SMOC2: variants seen among roughly 807,000 people sequenced by gnomAD.
SMOC2 encodes SPARC related modular calcium binding 2, also known as SPARC-related modular calcium-binding protein 2.
A neutral mutation model predicts 61.4 loss-of-function variants in SMOC2; 39 were observed. That is an observed-to-expected ratio of 0.64 (90% CI 0.49 to 0.83). SMOC2 has a LOEUF of 0.83. Ranked by LOEUF, SMOC2 falls within the 40% of genes least tolerant of loss-of-function variation. The pLI is 0.00. For missense variants in SMOC2, 556 were observed against 592.9 expected, an observed-to-expected ratio of 0.94 and a Z score of 0.65; for synonymous variants, 247 against 239.9, an observed-to-expected ratio of 1.03 and a Z score of -0.27.
intron 7 of SMOC2, among the ~76,000 whole-genome samples, chr6:168,582,442 G>T (rs547433776): frequency 7.2e-5 from 11 of 152,206 alleles, no homozygotes; most frequent in Non-Finnish European, 1.0e-4. Flanking sequence ...ACTGAGGGCT[G>T]CAGGGGTCTT....
At chr6:168,659,051 G>A (rs57304883) in intron 11 of SMOC2, among the ~76,000 whole-genome samples, 1,110 of 69,684 alleles carry the variant, frequency 0.016, 16 homozygotes, top group African/African-American at 0.058. Flanking sequence ...TGTGTGTGGC[G>A]TGTGGGGTGT....
At chr6:168,479,767 C>G (rs1247049390) in intron 1 of SMOC2, among the ~76,000 whole-genome samples, 2 of 152,144 alleles carry the variant, frequency 1.3e-5, no homozygotes, top group Non-Finnish European at 1.5e-5. Context: ...AACAGGGGTG[C>G]AGACGAAAAG....
At chr6:168,507,199 C>T (rs1183243792) in intron 1 of SMOC2, among the ~76,000 whole-genome samples, 3 of 152,180 alleles carry the variant, frequency 2.0e-5, no homozygotes, top group East Asian at 1.9e-4. Context: ...AAGTTCTCAG[C>T]ATCTCCTCAC....
chr6:168,580,134 C>T (rs1784890067), intron 7 of SMOC2, among the ~76,000 whole-genome samples: 1 of 152,130 alleles, frequency 6.6e-6, no homozygotes, highest in Non-Finnish European at 1.5e-5. Context: ...ATTCATGTTT[C>T]AGAATGGAAA....
At chr6:168,598,704 G>T in intron 7 of SMOC2, 114 bp from the exon 8 acceptor site, 2 of 1,237,070 alleles carry the variant, frequency 1.6e-6, no homozygotes, top group Non-Finnish European at 2.3e-6. Context: ...CTCCTGCTCC[G>T]GGGTGAAGGA....
At chr6:168,649,239 C>T (rs769003691) in intron 9 of SMOC2, among the ~76,000 whole-genome samples, 6 of 152,178 alleles carry the variant, frequency 3.9e-5, no homozygotes, top group South Asian at 2.1e-4. Flanking sequence ...TTGGCGGGGC[C>T]GTCTAAAACT....
intron 1 of SMOC2, among the ~76,000 whole-genome samples, chr6:168,443,389 C>T (rs755482567): frequency 1.1e-4 from 16 of 152,192 alleles, no homozygotes; most frequent in East Asian, 5.8e-4. Context: ...TCTTGGGTTG[C>T]GGTGAGACCC....
intron 7 of SMOC2, among the ~76,000 whole-genome samples, chr6:168,560,572 A>T (rs13215061): frequency 3.6e-5 from 2 of 55,240 alleles, no homozygotes; most frequent in Non-Finnish European, 7.1e-5. Context: ...CTCTCACTGC[A>T]TTCTTGGAGG....
intron 1 of SMOC2, among the ~76,000 whole-genome samples, chr6:168,487,762 C>T (rs1020619100): frequency 2.0e-5 from 3 of 152,100 alleles, no homozygotes; most frequent in African/African-American, 7.2e-5. Context: ...CACAGCCTCC[C>T]AAAGTACTGG....
At chr6:168,621,461 C>T (rs562488721) in intron 9 of SMOC2, among the ~76,000 whole-genome samples, 2 of 152,266 alleles carry the variant, frequency 1.3e-5, no homozygotes, top group South Asian at 2.1e-4. Context: ...ATTTGAAGTC[C>T]ATGTTTTATT....
At chr6:168,658,942 G>A (rs1787398453) in intron 11 of SMOC2, among the ~76,000 whole-genome samples, 1 of 142,314 alleles carries the variant, frequency 7.0e-6, no homozygotes, top group Non-Finnish European at 1.6e-5. Flanking sequence ...TGTATGTGTG[G>A]TGTGTGTGGT....
chr6:168,653,636 G>C (rs951631061), intron 11 of SMOC2, among the ~76,000 whole-genome samples: 6 of 135,672 alleles, frequency 4.4e-5, no homozygotes, highest in Non-Finnish European at 9.7e-5. Flanking sequence ...CCAAATGTTA[G>C]GAACTCACCA....
chr6:168,458,866 C>A (rs898578479), intron 1 of SMOC2, among the ~76,000 whole-genome samples: 1 of 152,210 alleles, frequency 6.6e-6, no homozygotes, highest in Non-Finnish European at 1.5e-5. Context: ...TATACTAATT[C>A]TCATTGTATA....
intron 8 of SMOC2, among the ~76,000 whole-genome samples, chr6:168,603,703 C>T (rs1464384887): frequency 8.8e-6 from 1 of 113,298 alleles, no homozygotes; most frequent in Non-Finnish European, 2.1e-5. Context: ...ATGTCAAATG[C>T]TCTGGAGGAA....
chr6:168,524,038 G>A (rs2763246), intron 2 of SMOC2, among the ~76,000 whole-genome samples: 86,864 of 151,934 alleles, frequency 0.57, 28,009 homozygotes, highest in Non-Finnish European at 0.72. Context: ...TCAGTCTAAG[G>A]TATGTCTGTA....
intron 2 of SMOC2, among the ~76,000 whole-genome samples, chr6:168,510,572 C>G (rs1240561657): frequency 2.0e-5 from 3 of 152,120 alleles, no homozygotes; most frequent in African/African-American, 4.8e-5. Flanking sequence ...TTTGATTCAG[C>G]AAAAGATGCT....
At chr6:168,462,184 A>G (rs1162367983) in intron 1 of SMOC2, among the ~76,000 whole-genome samples, 2 of 152,180 alleles carry the variant, frequency 1.3e-5, no homozygotes, top group Non-Finnish European at 2.9e-5. Context: ...TGAGTGATTT[A>G]GATCCCTAGA....
intron 2 of SMOC2, among the ~76,000 whole-genome samples, chr6:168,513,892 G>A (rs905347723): frequency 3.3e-5 from 5 of 152,202 alleles, no homozygotes; most frequent in Admixed American, 6.5e-5. Flanking sequence ...ACGGTTTCAC[G>A]TGAGATTTTC....
At chr6:168,482,016 A>G (rs577657424) in intron 1 of SMOC2, among the ~76,000 whole-genome samples, 4 of 152,026 alleles carry the variant, frequency 2.6e-5, no homozygotes, top group African/African-American at 9.6e-5. Flanking sequence ...TAAAGCTAGC[A>G]GAAGGAACTA....
Sources: allele counts gnomAD v4.1 joint callset (sites outside exome capture counted in the v4.1 genomes callset), GRCh38; gene constraint gnomAD v4.1.1; transcripts MANE v1.5; gene names NCBI Gene and HGNC (gene_info 2026-07-23, HGNC 2026-07-21).